Variants in NAALADL2 observed in about 807,000 individuals in gnomAD.
NAALADL2 encodes the protein N-acetylated alpha-linked acidic dipeptidase like 2.
Under a neutral mutation model 87.2 loss-of-function variants are expected in NAALADL2, and 76 were observed. The observed-to-expected ratio is 0.87, with a 90% confidence interval of 0.72 to 1.05. The LOEUF is 1.05. Ranked by LOEUF, NAALADL2 falls within the 50% of genes least tolerant of loss-of-function variation. The probability of loss-of-function intolerance (pLI) is 0.00; values close to 1 mark genes in which losing one functional copy is unlikely to be tolerated. For missense variants in NAALADL2, 1,089 were observed against 945.8 expected, an observed-to-expected ratio of 1.15 and a Z score of -1.99; for synonymous variants, 354 against 331.0, an observed-to-expected ratio of 1.07 and a Z score of -0.75.
intron 13 of NAALADL2, among the ~76,000 whole-genome samples, chr3:175,779,688 T>C (rs1199936498): frequency 2.0e-5 from 3 of 152,164 alleles, no homozygotes; most frequent in Non-Finnish European, 4.4e-5. Flanking sequence ...CAATGAAAAT[T>C]AAGGTTTCTT....
intron 4 of NAALADL2, 125 bp from the exon 5 acceptor site, chr3:175,324,037 AAAAAAAGAAAAAG>A: frequency 1.5e-6 from 1 of 645,754 alleles, no homozygotes; most frequent in Non-Finnish European, 2.5e-6. Flanking sequence ...ACAAAAAAAA[AAAAAAAGAAAAAG>A]AAAAAGAAAA....
At chr3:175,675,848 A>G (rs904846928) in intron 11 of NAALADL2, 1 of 152,092 alleles carries the variant, frequency 6.6e-6, no homozygotes, top group Non-Finnish European at 1.5e-5. Context: ...TTTTCATTAG[A>G]CAATTAAGTT....
intron 2 of NAALADL2, among the ~76,000 whole-genome samples, chr3:175,224,800 G>A (rs1743922271): frequency 6.6e-6 from 1 of 152,272 alleles, no homozygotes; most frequent in South Asian, 2.1e-4. Context: ...ATACCAAAAT[G>A]TGTAACATGC....
At chr3:175,751,740 T>A (rs1478016861) in intron 12 of NAALADL2, among the ~76,000 whole-genome samples, 1 of 152,124 alleles carries the variant, frequency 6.6e-6, no homozygotes, top group Non-Finnish European at 1.5e-5. Context: ...CAGTTAATTT[T>A]CTTTGTTTAA....
rs114622574 is a variant in NAALADL2, at chr3:175,648,754, T to C, written c.1896+21368T>C. Among the ~76,000 whole-genome samples the C allele has an allele frequency of 6.7e-3, 1,017 of 152,282 alleles. 10 individuals are homozygous for C. The highest frequency in any genetic ancestry group is 0.023 in the African/African-American group (973 of 41,564). The stretch of plus-strand genomic sequence containing the variant: ...ATTATTGCTGAACCTTATTGCATCT[T>C]ATGAAAACAGTGTAGCTTAAAAAGG... On this transcript the variant is annotated intron_variant, in intron 11 of 13. Transcript: ENST00000454872.
chr3:175,614,430 G>A (rs969393656), intron 10 of NAALADL2, among the ~76,000 whole-genome samples: 2 of 152,130 alleles, frequency 1.3e-5, no homozygotes, highest in African/African-American at 4.8e-5. Flanking sequence ...ATGTTTAGAA[G>A]CTCTAGCTTA....
intron 5 of NAALADL2, among the ~76,000 whole-genome samples, chr3:175,429,931 AAAT>A (rs1295355275): frequency 6.6e-6 from 1 of 151,978 alleles, no homozygotes; most frequent in Non-Finnish European, 1.5e-5. Context: ...CTATGCATTA[AAAT>A]AATATGAAAT....
chr3:174,829,012 G>C (rs1333713783), intron 3 of NAALADL2, among the ~76,000 whole-genome samples: 2 of 152,054 alleles, frequency 1.3e-5, no homozygotes, highest in Non-Finnish European at 2.9e-5. Flanking sequence ...ATTTTATTGA[G>C]AGCCTATTAT....
chr3:175,138,451 G>A (rs977066746), intron 2 of NAALADL2, among the ~76,000 whole-genome samples: 3 of 151,948 alleles, frequency 2.0e-5, no homozygotes, highest in Non-Finnish European at 4.4e-5. Context: ...AACAGGGTTT[G>A]GGGTAGTACA....
chr3:175,140,565 G>A lies in NAALADL2; in HGVS notation c.545+43274G>A, dbSNP rs892052028. ...TGGGATTAACTAAGCAAAGAAGGCA[G>A]GTAAAGAGTGTTCAGCACAGAGTGA... On this transcript the variant is annotated intron_variant, in intron 2 of 13. Transcript: ENST00000454872. 2.0e-5 allele frequency among the ~76,000 whole-genome samples: 3 copies of A among 152,164 alleles called. 1 individual carries two copies. The highest frequency in any genetic ancestry group is 7.2e-5 in the African/African-American group (3 of 41,436).
At chr3:174,807,086 T>G (rs527782175) in intron 3 of NAALADL2, among the ~76,000 whole-genome samples, 1 of 152,314 alleles carries the variant, frequency 6.6e-6, no homozygotes, top group South Asian at 2.1e-4. Flanking sequence ...AGAAATGTGC[T>G]TGTGTATTGC....
intron 13 of NAALADL2, among the ~76,000 whole-genome samples, chr3:175,757,072 A>G (rs1316790697): frequency 6.6e-6 from 1 of 151,562 alleles, no homozygotes. Flanking sequence ...TGAAAGTCCA[A>G]ATTTGTGGCC....
At chr3:174,910,312 G>T (rs966962406) in intron 1 of NAALADL2, among the ~76,000 whole-genome samples, 1 of 151,958 alleles carries the variant, frequency 6.6e-6, no homozygotes, top group Non-Finnish European at 1.5e-5. Context: ...TTGTGTGTGT[G>T]TATAACTATA....
intron 1 of NAALADL2, among the ~76,000 whole-genome samples, chr3:174,510,183 G>T (rs1719508340): frequency 6.6e-6 from 1 of 152,082 alleles, no homozygotes. Flanking sequence ...AAGAGATACT[G>T]ATTTGTAGTT....
chr3:175,314,091 G>T (rs201654729), intron 4 of NAALADL2, among the ~76,000 whole-genome samples: 1 of 128,628 alleles, frequency 7.8e-6, no homozygotes, highest in African/African-American at 2.9e-5. Context: ...AAAAAAAAAA[G>T]AAAAGTGAAA....
At chr3:174,839,098 A>G (rs563225026) in intron 3 of NAALADL2, among the ~76,000 whole-genome samples, 79 of 152,322 alleles carry the variant, frequency 5.2e-4, no homozygotes, top group African/African-American at 1.6e-3. Flanking sequence ...TCCAACTACT[A>G]TAAGGCCATT....
chr3:175,622,855 G>A (rs918713841), intron 10 of NAALADL2, among the ~76,000 whole-genome samples: 1 of 152,024 alleles, frequency 6.6e-6, no homozygotes, highest in Non-Finnish European at 1.5e-5. Flanking sequence ...TGGGATTAAG[G>A]AGACAGCAGA....
At chr3:174,960,162 T>C (rs561484877) in intron 1 of NAALADL2, among the ~76,000 whole-genome samples, 20 of 152,176 alleles carry the variant, frequency 1.3e-4, no homozygotes, top group East Asian at 9.7e-4. Flanking sequence ...AAAGTCTAGA[T>C]TCTACATTAA....
chr3:174,745,165 T>G (rs1235353202), intron 3 of NAALADL2, among the ~76,000 whole-genome samples: 2 of 151,600 alleles, frequency 1.3e-5, no homozygotes, highest in Non-Finnish European at 2.9e-5. Context: ...AGGAGCTGGT[T>G]TTTGAAAAAA....
Sources: allele counts gnomAD v4.1 joint callset (sites outside exome capture counted in the v4.1 genomes callset), GRCh38; gene constraint gnomAD v4.1.1; transcripts MANE v1.5; gene names NCBI Gene and HGNC (gene_info 2026-07-23, HGNC 2026-07-21).